The following ART5 variants were observed in gnomAD, a reference collection of about 807,000 sequenced individuals.
ART5 encodes ADP-ribosyltransferase 5.
ART5 carries 22 observed loss-of-function variants against 25.0 expected under a neutral mutation model. The observed-to-expected ratio is 0.88, with a 90% confidence interval of 0.63 to 1.26. The LOEUF (loss-of-function observed/expected upper bound fraction) is 1.26, where lower values mean the gene tolerates loss of function less well. Among genes scored for constraint, ART5 ranks in the 50% most tolerant of loss-of-function variants. ART5 has a pLI of 0.00. For missense variants in ART5, 402 were observed against 372.8 expected (o/e 1.08, Z -0.64); for synonymous variants, 161 against 154.8 (o/e 1.04, Z -0.30).
At position 3,641,800 on chromosome 11, in the gene ART5, A is replaced by G; in HGVS notation, c.57+6T>C. On this transcript the variant is annotated splice_donor_region_variant and intron_variant, in intron 1 of 3. Coordinates refer to ENST00000397068, the MANE Select transcript of ART5 (RefSeq NM_053017.5). ...CTTGGGGCTAGGAGATGGTTCCTGG[A>G]GTTACCTGCCAGGTGTGGAGGCCGA... 6.3e-7 allele frequency: 1 copy of G among 1,574,822 alleles called. No homozygotes were observed. The highest frequency in any genetic ancestry group is 8.6e-7 in the Non-Finnish European group (1 of 1,160,280).
Position 3,640,010 on chromosome 11 carries a change from G to A in ART5, c.419C>T (p.Ala140Val), listed in dbSNP as rs1260507855. Residue 140 changes from alanine to valine, a missense_variant, in exon 2 of 4, where the codon GCC becomes GTC. By Grantham distance (64) the Ala-to-Val change is moderately conservative. Transcript: ENST00000397068. ...CCCACTGCCTCGCAGCAGCTGCAGGGCCCGGATCAGGTAGAAATGCAGGGC... is the reference window on the plus strand; with the variant it reads ...CCCACTGCCTCGCAGCAGCTGCAGGACCCGGATCAGGTAGAAATGCAGGGC... ...FKALHFYLIR[A>V]LQLLRGSGGC... The A allele has an allele frequency of 1.9e-6, 3 of 1,614,172 alleles. No individual in the cohort carries two copies. Among genetic ancestry groups the A allele is most frequent in the East Asian group, 2.2e-5 (1 of 44,880 alleles).
chr11:3,640,325 A>G lies in ART5; in HGVS notation c.104T>C (p.Phe35Ser). 10 of 1,605,056 alleles carry G rather than the reference A, an allele frequency of 6.2e-6. No individual in the cohort carries two copies. Among genetic ancestry groups the G allele is most frequent in the Non-Finnish European group, 8.5e-6 (10 of 1,177,752 alleles). ...ILPLGLAPDT[F>S]DDTYVGCAEE... ...TGCACAACCCACATAGGTATCGTCA[A>G]AGGTGTCTGGAGCCAGGCCCAGGGG... is the stretch of plus-strand genomic sequence containing the variant. Residue 35 changes from phenylalanine (F) to serine (S), a missense_variant, in exon 2 of 4, where the codon TTT (phenylalanine) becomes TCT (serine). Physicochemically the swap from Phe to Ser is radical, Grantham distance 155 (BLOSUM62 -2). Transcript: ENST00000397068.
chr11:3,642,180 G>C (rs1042988510), upstream of ART5: 2 of 1,216,112 alleles, frequency 1.6e-6, no homozygotes, highest in Non-Finnish European at 2.1e-6. Context: ...GGACCCACTT[G>C]AAGGCTGCGG....
chr11:3,640,029 G>T lies in ART5; in HGVS notation c.400C>A (p.His134Asn). The change falls in exon 2 of 4, where the codon CAT becomes AAT. Residue 134 changes from histidine to asparagine, a missense_variant. Physicochemically the swap from His to Asn is moderately conservative, Grantham distance 68. Transcript: ENST00000397068. ...TGCAGGGCCCGGATCAGGTAGAAATGCAGGGCCTTGAAGGGAAAGTGCCTC... is the reference window on the plus strand; with the variant it reads ...TGCAGGGCCCGGATCAGGTAGAAATTCAGGGCCTTGAAGGGAAAGTGCCTC... ...YMRHFPFKAL[H>N]FYLIRALQLL... 1 of 1,614,162 alleles carries T rather than the reference G, an allele frequency of 6.2e-7. No homozygotes were observed. The highest frequency in any genetic ancestry group is 8.5e-7 in the Non-Finnish European group (1 of 1,180,042).
Position 3,639,768 on chromosome 11 carries a change from C to T in ART5, c.661G>A (p.Glu221Lys), listed in dbSNP as rs202122052. 5.0e-6 allele frequency: 8 copies of T among 1,614,160 alleles called. No homozygotes were observed. Among genetic ancestry groups the T allele is most frequent in the East Asian group, 4.5e-5 (2 of 44,880 alleles). ...QAFSVFPKEREVLIPPHEVFL... is the reference protein window; with the variant it reads ...QAFSVFPKERKVLIPPHEVFL... Reference sequence around the variant, plus strand: ...ACTTCATGGGGGGGAATCAGCACCTCGCGCTCCTTGGGAAAGACAGAGAAG... The same window carrying T: ...ACTTCATGGGGGGGAATCAGCACCTTGCGCTCCTTGGGAAAGACAGAGAAG... Residue 221 changes from glutamate (E) to lysine (K), a missense_variant, in exon 2 of 4, where the codon GAG (glutamate) becomes AAG (lysine). By Grantham distance (56) the Glu-to-Lys change is moderately conservative (BLOSUM62 1). Coordinates refer to ENST00000397068, the MANE Select transcript of ART5 (RefSeq NM_053017.5).
chr11:3,641,730 T>C, intron 1 of ART5, 76 bp downstream of exon 1: 1 of 1,541,162 alleles, frequency 6.5e-7, no homozygotes, highest in Non-Finnish European at 8.8e-7. Context: ...ATGTGAGGAG[T>C]CAGCCCCGGG....
rs564921295 is a variant in ART5, at chr11:3,640,174, G to A, written c.255C>T (p.Pro85=). The part of the protein sequence containing the change: ...WEDKRRGLTL[P]PGFKAQNGIA... Reference sequence around the variant, plus strand: ...TTCCATTCTGGGCTTTGAAGCCAGGGGGCAAGGTAAGCCCTCGACGCTTGT... The same window carrying A: ...TTCCATTCTGGGCTTTGAAGCCAGGAGGCAAGGTAAGCCCTCGACGCTTGT... The change falls in exon 2 of 4, where the codon CCC becomes CCT. Residue 85 remains proline (P), a synonymous_variant. Coordinates refer to ENST00000397068, the MANE Select transcript of ART5 (RefSeq NM_053017.5). 7 of 1,613,966 alleles carry A rather than the reference G, an allele frequency of 4.3e-6. No individual in the cohort carries two copies. Among genetic ancestry groups the A allele is most frequent in the Non-Finnish European group, 5.9e-6 (7 of 1,180,062 alleles).
rs753373523 is a variant in ART5 at position 3,640,277 on chromosome 11, G to T, written c.152C>A (p.Ala51Asp). ...GCAEEMEEKAAPLLKEEMAHH... is the reference protein window; with the variant it reads ...GCAEEMEEKADPLLKEEMAHH... Reference sequence around the variant, plus strand: ...GGCCATTTCCTCCTTTAGCAGGGGGGCTGCCTTCTCCTCCATCTCCTCTGC... The same window carrying T: ...GGCCATTTCCTCCTTTAGCAGGGGGTCTGCCTTCTCCTCCATCTCCTCTGC... Residue 51 changes from alanine (A) to aspartate (D), a missense_variant, in exon 2 of 4, where the codon GCC (alanine) becomes GAC (aspartate). Coordinates refer to ENST00000397068, the MANE Select transcript of ART5 (RefSeq NM_053017.5). 1.2e-6 allele frequency: 2 copies of T among 1,613,502 alleles called. No homozygotes were observed. The highest frequency in any genetic ancestry group is 1.7e-6 in the Non-Finnish European group (2 of 1,180,038).
chr11:3,638,603 G>A lies in ART5; in HGVS notation c.*135C>T. On this transcript the variant is annotated 3_prime_UTR_variant, in exon 4 of 4. Coordinates refer to ENST00000397068, the MANE Select transcript of ART5 (RefSeq NM_053017.5). ...ACCGTTCAATCAAGTGGCTGCCTCA[G>A]TACTTTCCTTGCTTGTCCCAGGAAG... 9.1e-7 allele frequency: 1 copy of A among 1,095,996 alleles called. No individual in the cohort carries two copies. The highest frequency in any genetic ancestry group is 2.4e-5 in the East Asian group (1 of 42,294). 67.9% of individuals were successfully genotyped at this position (1,095,996 alleles called of 1,614,324 possible).
In ART5 at chr11:3,640,976, C is replaced by G. The variant is rs1216883526; in HGVS notation, c.58-605G>C. Among the ~76,000 whole-genome samples, 3 of 152,068 alleles carry G rather than the reference C, an allele frequency of 2.0e-5. No homozygotes were observed. In the East Asian group the frequency reaches 5.8e-4, roughly 29 times the overall value. ...CAGGCTGGTCTCGAACTCCTGACCT[C>G]AAGTGATCCACCAGCCTCAGCCTCC... On this transcript the variant is annotated intron_variant, in intron 1 of 3. Coordinates refer to ENST00000397068, the MANE Select transcript of ART5 (RefSeq NM_053017.5).
Position 3,640,349 on chromosome 11 carries a change from G to A in ART5, c.80C>T (p.Pro27Leu). 1 of 1,462,072 alleles carries A rather than the reference G, an allele frequency of 6.8e-7. No homozygotes were observed. The highest frequency in any genetic ancestry group is 9.0e-7 in the Non-Finnish European group (1 of 1,108,344). The allele number at this position is 1,462,072 out of a possible 1,614,324, so 90.6% of individuals were successfully genotyped here. ...TWQAQAVPIL[P>L]LGLAPDTFDD... ...AAAGGTGTCTGGAGCCAGGCCCAGG[G>A]GCAGGATGGGAACAGCCTGGGCCTG... The change falls in exon 2 of 4, where the codon CCC (proline) becomes CTC (leucine). Residue 27 changes from proline to leucine, a missense_variant. Physicochemically the swap from Pro to Leu is moderately conservative, Grantham distance 98. Coordinates refer to ENST00000397068, the MANE Select transcript of ART5 (RefSeq NM_053017.5).
chr11:3,639,591 T>C, intron 2 of ART5, 51 bp downstream of exon 2: 3 of 1,547,220 alleles, frequency 1.9e-6, no homozygotes, highest in African/African-American at 1.4e-5. Flanking sequence ...AAGGACATCC[T>C]GGCTTATTTC....
At position 3,638,619 on chromosome 11, in the gene ART5, T is replaced by C; in HGVS notation, c.*119A>G. 7.9e-7 allele frequency: 1 copy of C among 1,260,840 alleles called. No homozygotes were observed. Among genetic ancestry groups the C allele is most frequent in the Non-Finnish European group, 1.1e-6 (1 of 871,534 alleles). The allele number at this position is 1,260,840 out of a possible 1,614,324, so 78.1% of individuals were successfully genotyped here. On this transcript the variant is annotated 3_prime_UTR_variant, in exon 4 of 4. Coordinates refer to ENST00000397068, the MANE Select transcript of ART5 (RefSeq NM_053017.5). ...GCTGCCTCAGTACTTTCCTTGCTTG[T>C]CCCAGGAAGTCCCCATCACATAGCA... is the stretch of plus-strand genomic sequence containing the variant.
At chr11:3,641,742 C>T (rs924839286) in intron 1 of ART5, 64 bp downstream of exon 1, 1 of 1,547,458 alleles carries the variant, frequency 6.5e-7, no homozygotes, top group African/African-American at 1.4e-5. Flanking sequence ...AGCCCCGGGT[C>T]CACTTCCTCA....
intron 3 of ART5, 91 bp from the exon 4 acceptor site, chr11:3,638,884 A>AT (rs751024374): frequency 1.0e-4 from 168 of 1,611,886 alleles, no homozygotes; most frequent in Non-Finnish European, 1.3e-4. Context: ...GGGGGCAGAG[A>AT]GGAGGCCCCC....
chr11:3,642,028 T>G (rs1031716333), upstream of ART5: 12 of 1,435,206 alleles, frequency 8.4e-6, no homozygotes, highest in Non-Finnish European at 1.1e-5. Flanking sequence ...GCCTGGGAGT[T>G]TATTGCCCGC....
chr11:3,642,333 C>T (rs948469693), upstream of ART5: 6 of 987,182 alleles, frequency 6.1e-6, no homozygotes, highest in Admixed American at 5.6e-5. Flanking sequence ...TTCCCAGCGC[C>T]GCACGCGGGG....
chr11:3,638,967 T>G, intron 3 of ART5, 36 bp downstream of exon 3: 1 of 1,562,136 alleles, frequency 6.4e-7, no homozygotes, highest in Non-Finnish European at 8.7e-7. Flanking sequence ...TGAGGGGGAG[T>G]CAAAGCAGCT....
rs762456535 is a variant in ART5 at position 3,641,868 on chromosome 11, G to A, written c.-6C>T. On this transcript the variant is annotated 5_prime_UTR_variant, in exon 1 of 4. Transcript: ENST00000397068. The stretch of plus-strand genomic sequence containing the variant: ...ATCAAAGCCGCCAGCGCCATCCCTG[G>A]AGGAGACGTGAGGGCCAGGGGTCCG... 6.4e-7 allele frequency: 1 copy of A among 1,567,780 alleles called. No homozygotes were observed.
Sources: allele counts gnomAD v4.1 joint callset (sites outside exome capture counted in the v4.1 genomes callset), GRCh38; gene constraint gnomAD v4.1.1; transcripts MANE v1.5; gene names NCBI Gene and HGNC (gene_info 2026-07-23, HGNC 2026-07-21).